The following TNS3 variants were observed in gnomAD, a reference collection of about 807,000 sequenced individuals.
TNS3 encodes the protein tensin 3.
Under a neutral mutation model 140.9 loss-of-function variants are expected in TNS3, and 45 were observed. The observed-to-expected ratio is 0.32, with a 90% CI of 0.25 to 0.41. TNS3 has a LOEUF of 0.41. Ranked by LOEUF, TNS3 falls within the 10% of genes least tolerant of loss-of-function variation. TNS3 has a pLI of 1.00. For synonymous variants in TNS3, 815 were observed against 788.4 expected, an observed-to-expected ratio of 1.03 and a Z score of -0.56; for missense variants, 1,716 against 1,906.7, an observed-to-expected ratio of 0.90 and a Z score of 1.86.
chr7:47,346,070 G>A, intron 18 of TNS3, 117 bp downstream of exon 18: 1 of 1,342,160 alleles, frequency 7.5e-7, no homozygotes, highest in Non-Finnish European at 1.0e-6. Flanking sequence ...TGGGTGCGGA[G>A]GATAATGTGG....
At chr7:47,337,375 G>A (rs1407054890) in intron 20 of TNS3, among the ~76,000 whole-genome samples, 1 of 152,170 alleles carries the variant, frequency 6.6e-6, no homozygotes, top group African/African-American at 2.4e-5. Context: ...TGACTAAGGA[G>A]GTATCAAGTT....
intron 4 of TNS3, among the ~76,000 whole-genome samples, chr7:47,444,314 T>C (rs1453451639): frequency 6.6e-6 from 1 of 152,246 alleles, no homozygotes; most frequent in Non-Finnish European, 1.5e-5. Context: ...AATGCCATGC[T>C]GGAGTACACT....
At chr7:47,382,684 C>G (rs928269936) in intron 16 of TNS3, among the ~76,000 whole-genome samples, 13 of 151,960 alleles carry the variant, frequency 8.6e-5, no homozygotes, top group African/African-American at 2.4e-4. Flanking sequence ...CCCACCACCC[C>G]CTGTGAGTAT....
Position 47,529,148 on chromosome 7 carries a change from C to T in TNS3, c.-264-1G>A. On this transcript the variant is annotated splice_acceptor_variant, in intron 1 of 30. Coordinates refer to ENST00000311160, the MANE Select transcript of TNS3 (RefSeq NM_022748.12). LOFTEE classifies it low-confidence loss of function (5UTR_SPLICE). ...GCAGACTCGAGGTTAATTCTTCCGGCTGAAAAAGTAAAGGAAGAAATTGTC... is the reference window on the plus strand; with the variant it reads ...GCAGACTCGAGGTTAATTCTTCCGGTTGAAAAAGTAAAGGAAGAAATTGTC... The T allele has an allele frequency of 7.9e-7, 1 of 1,262,698 alleles. No individual in the cohort carries two copies. The highest frequency in any genetic ancestry group is 1.0e-6 in the Non-Finnish European group (1 of 975,602). 78.2% of individuals were successfully genotyped at this position (1,262,698 alleles called of 1,614,324 possible). A position where few individuals can be genotyped will look rare whatever the true frequency, so the allele number is the denominator to read the frequency against.
intron 15 of TNS3, among the ~76,000 whole-genome samples, chr7:47,397,968 T>C (rs1792930515): frequency 6.6e-6 from 1 of 152,038 alleles, no homozygotes; most frequent in Admixed American, 6.6e-5. Flanking sequence ...TCAAATAAAT[T>C]CAATTAGAAA....
At chr7:47,381,360 T>C (rs1291963399) in intron 16 of TNS3, among the ~76,000 whole-genome samples, 1 of 152,218 alleles carries the variant, frequency 6.6e-6, no homozygotes, top group Non-Finnish European at 1.5e-5. Flanking sequence ...AGCCCAGACC[T>C]CCACGTTCTG....
At chr7:47,321,876 G>A (rs934107228) in intron 20 of TNS3, among the ~76,000 whole-genome samples, 1 of 152,092 alleles carries the variant, frequency 6.6e-6, no homozygotes, top group Non-Finnish European at 1.5e-5. Context: ...CTTGTCTACA[G>A]CACTCAAGCC....
At chr7:47,340,142 T>G (rs1206673473) in intron 20 of TNS3, among the ~76,000 whole-genome samples, 3 of 127,636 alleles carry the variant, frequency 2.4e-5, no homozygotes, top group African/African-American at 9.6e-5. Flanking sequence ...TTTTTTTTTT[T>G]GAGACGGAGT....
At chr7:47,358,104 CCCAT>C (rs1214568835) in intron 17 of TNS3, among the ~76,000 whole-genome samples, 1 of 152,088 alleles carries the variant, frequency 6.6e-6, no homozygotes, top group African/African-American at 2.4e-5. Context: ...TGGATCACCC[CCCAT>C]CACGTGACCT....
At position 47,276,439 on chromosome 7, in the gene TNS3, C is replaced by A. The variant is rs919943507; in HGVS notation, c.*1637G>T. The A allele has an allele frequency of 1.3e-5, 2 of 152,392 alleles. No homozygotes were observed. Among genetic ancestry groups the A allele is most frequent in the East Asian group, 1.9e-4 (1 of 5,184 alleles). The allele number at this position is 152,392 out of a possible 1,614,324, so 9.4% of individuals were successfully genotyped here. A position where few individuals can be genotyped will look rare whatever the true frequency, so the allele number is the denominator to read the frequency against. On this transcript the variant is annotated 3_prime_UTR_variant, in exon 31 of 31. Coordinates refer to ENST00000311160, the MANE Select transcript of TNS3 (RefSeq NM_022748.12). ...AGAGTTCACAAAGCACATTCCCAAA[C>A]CCCAGCTCCCTGACAGGAGCTTGTG...
At chr7:47,338,636 C>T (rs936753155) in intron 20 of TNS3, among the ~76,000 whole-genome samples, 1 of 152,140 alleles carries the variant, frequency 6.6e-6, no homozygotes, top group Non-Finnish European at 1.5e-5. Flanking sequence ...CAATGGCCTA[C>T]AGCTGCATCC....
chr7:47,365,919 T>C (rs1464067410), intron 17 of TNS3, among the ~76,000 whole-genome samples: 1 of 152,154 alleles, frequency 6.6e-6, no homozygotes, highest in Non-Finnish European at 1.5e-5. Flanking sequence ...ATTCAATCAA[T>C]TGGAAGACAT....
chr7:47,555,845 A>G (rs1340953249), intron 1 of TNS3, among the ~76,000 whole-genome samples: 2 of 152,268 alleles, frequency 1.3e-5, no homozygotes, highest in Non-Finnish European at 2.9e-5. Context: ...GCACTGGGAA[A>G]CTAAAAGATG....
intron 3 of TNS3, among the ~76,000 whole-genome samples, chr7:47,502,901 A>G (rs970172989): frequency 1.3e-5 from 2 of 152,230 alleles, no homozygotes; most frequent in Non-Finnish European, 2.9e-5. Flanking sequence ...ACCGAGGCAC[A>G]TGCAGAGAGA....
At chr7:47,569,369 C>T (rs577169039) in intron 1 of TNS3, among the ~76,000 whole-genome samples, 1 of 151,392 alleles carries the variant, frequency 6.6e-6, no homozygotes, top group East Asian at 1.9e-4. Context: ...ATGATGAAAC[C>T]CCGTCTCTAC....
chr7:47,426,659 C>T (rs1794667498), intron 9 of TNS3, among the ~76,000 whole-genome samples: 1 of 152,134 alleles, frequency 6.6e-6, no homozygotes, highest in African/African-American at 2.4e-5. Context: ...AGGTAAATTG[C>T]CTGACACATG....
intron 16 of TNS3, among the ~76,000 whole-genome samples, chr7:47,388,929 A>G (rs1326651521): frequency 1.3e-4 from 13 of 98,742 alleles, no homozygotes; most frequent in South Asian, 3.4e-4. Flanking sequence ...GAGGGAGGAG[A>G]AGAGAAGAAG....
rs766249630 is a variant in TNS3 at position 47,346,276 on chromosome 7, G to C, written c.2362C>G (p.Leu788Val). 1.2e-6 allele frequency: 2 copies of C among 1,614,120 alleles called. No homozygotes were observed. Among genetic ancestry groups the C allele is most frequent in the African/African-American group, 2.7e-5 (2 of 74,946 alleles). The change falls in exon 18 of 31, where the codon CTG becomes GTG. Residue 788 changes from leucine to valine, a missense_variant. Coordinates refer to ENST00000311160, the MANE Select transcript of TNS3 (RefSeq NM_022748.12). ...CCCCATGCACATTTGGAGAAGGGCAGCTGCCCCCCAGCATCGTTGTCGTAC... is the reference window on the plus strand; with the variant it reads ...CCCCATGCACATTTGGAGAAGGGCACCTGCCCCCCAGCATCGTTGTCGTAC... ...GQYDNDAGGQ[L>V]PFSKCAWGKA... is the part of the protein sequence containing the mutation.
intron 20 of TNS3, among the ~76,000 whole-genome samples, chr7:47,311,523 A>G (rs934221428): frequency 1.3e-5 from 2 of 152,170 alleles, no homozygotes; most frequent in African/African-American, 2.4e-5. Context: ...AAATGAAATT[A>G]AGCATTCAGT....
Sources: allele counts gnomAD v4.1 joint callset (sites outside exome capture counted in the v4.1 genomes callset), GRCh38; gene constraint gnomAD v4.1.1; transcripts MANE v1.5; gene names NCBI Gene and HGNC (gene_info 2026-07-23, HGNC 2026-07-21).